Variants in GRAMD1B observed in about 807,000 individuals in gnomAD.
The protein encoded by GRAMD1B is GRAM domain containing 1B.
GRAMD1B carries 37 observed loss-of-function variants against 99.7 expected under a neutral mutation model. The observed-to-expected ratio is 0.37, with a 90% CI of 0.29 to 0.49. GRAMD1B has a LOEUF of 0.49. Ranked by LOEUF, GRAMD1B falls within the 20% of genes least tolerant of loss-of-function variation. The probability of loss-of-function intolerance (pLI) is 0.98; values close to 1 mark genes in which losing one functional copy is unlikely to be tolerated. For missense variants in GRAMD1B, 888 were observed against 1,009.2 expected (o/e 0.88, Z 1.63); for synonymous variants, 427 against 387.6 (o/e 1.10, Z -1.19).
intron 1 of GRAMD1B, chr11:123,459,930 T>C (rs1950332177): frequency 6.6e-6 from 1 of 152,228 alleles, no homozygotes; most frequent in African/African-American, 2.4e-5. Context: ...ATTTACTTTA[T>C]GGAGCATCAA....
At chr11:123,394,695 T>C (rs1389734480) in intron 1 of GRAMD1B, among the ~76,000 whole-genome samples, 3 of 152,230 alleles carry the variant, frequency 2.0e-5, no homozygotes, top group African/African-American at 7.2e-5. Flanking sequence ...CCTTAAATCA[T>C]TTTGTGCTGC....
intron 4 of GRAMD1B, 79 bp downstream of exon 4, chr11:123,584,411 G>GTGCGATTGGGGGAGGGGGAATGGAGGT (rs1949843905): frequency 6.5e-6 from 1 of 153,636 alleles, no homozygotes; most frequent in Non-Finnish European, 1.4e-5. Context: ...GGGGTGTGGG[G>GTGCGATTGGGGGAGGGGGAATGGAGGT]TGCGGTTGGG....
chr11:123,463,168 C>T (rs1373681324), intron 1 of GRAMD1B, among the ~76,000 whole-genome samples: 2 of 152,156 alleles, frequency 1.3e-5, no homozygotes, highest in Non-Finnish European at 2.9e-5. Flanking sequence ...GCCACCACCA[C>T]GCCTGACTAA....
chr11:123,582,955 T>C (rs1949543874), intron 3 of GRAMD1B, among the ~76,000 whole-genome samples: 1 of 152,174 alleles, frequency 6.6e-6, no homozygotes, highest in East Asian at 1.9e-4. Flanking sequence ...CTGAAAATAA[T>C]CTAAGCTCCA....
In GRAMD1B at chr11:123,613,594, G is replaced by A. The variant is rs2137012737; in HGVS notation, c.2163G>A (p.Glu721=). Residue 721 remains glutamate, a synonymous_variant, in exon 16 of 20, where the codon GAG becomes GAA. Coordinates refer to ENST00000635736, the MANE Select transcript of GRAMD1B (RefSeq NM_001387025.1). The part of the protein sequence containing the change: ...HAHLRVPHLE[E]VMSPVTTPTD... The stretch of plus-strand genomic sequence containing the variant: ...ACCTGCGAGTCCCTCACCTGGAAGA[G>A]GTGATGAGCCCGGTCACCACGCCCA... 1.2e-6 allele frequency: 2 copies of A among 1,613,944 alleles called. No homozygotes were observed. The highest frequency in any genetic ancestry group is 2.2e-5 in the East Asian group (1 of 44,866).
At chr11:123,517,774 A>T (rs189524510) in intron 2 of GRAMD1B, among the ~76,000 whole-genome samples, 145 of 152,358 alleles carry the variant, frequency 9.5e-4, no homozygotes, top group Non-Finnish European at 1.8e-3. Context: ...TTTCACTTTT[A>T]AAATGAGTTA....
chr11:123,622,704 A>G lies in GRAMD1B; in HGVS notation c.*109A>G. On this transcript the variant is annotated 3_prime_UTR_variant, in exon 20 of 20. Transcript: ENST00000635736. ...TATACAGAATATAAATATATATATT[A>G]TATACAGATTTTAAAAAAGAGATAA... The G allele has an allele frequency of 3.8e-6, 1 of 262,030 alleles. No homozygotes were observed. The highest frequency in any genetic ancestry group is 6.8e-6 in the Non-Finnish European group (1 of 147,864). The allele number at this position is 262,030 out of a possible 1,614,324, so 16.2% of individuals were successfully genotyped here.
chr11:123,561,532 C>A (rs935032509), intron 2 of GRAMD1B, among the ~76,000 whole-genome samples: 3 of 152,228 alleles, frequency 2.0e-5, no homozygotes, highest in African/African-American at 7.2e-5. Context: ...GGCCTTACTC[C>A]CCCACACCTC....
chr11:123,504,217 C>A (rs1940188310), intron 2 of GRAMD1B, among the ~76,000 whole-genome samples: 2 of 152,164 alleles, frequency 1.3e-5, no homozygotes, highest in African/African-American at 4.8e-5. Context: ...AGCACTGGTC[C>A]CCGCCAAGGC....
intron 17 of GRAMD1B, chr11:123,618,312 C>T: frequency 6.2e-7 from 1 of 1,605,992 alleles, no homozygotes; most frequent in African/African-American, 1.3e-5. Context: ...TAACCTCTGC[C>T]TCCTCCCCAT....
chr11:123,400,736 G>T (rs575812781), intron 1 of GRAMD1B, among the ~76,000 whole-genome samples: 1 of 152,192 alleles, frequency 6.6e-6, no homozygotes, highest in Non-Finnish European at 1.5e-5. Flanking sequence ...CCATCGTACT[G>T]GGGGTTAGGA....
At chr11:123,438,746 T>C (rs964339217) in intron 1 of GRAMD1B, among the ~76,000 whole-genome samples, 1 of 152,194 alleles carries the variant, frequency 6.6e-6, no homozygotes, top group Non-Finnish European at 1.5e-5. Flanking sequence ...ACAGGTGATC[T>C]TTCTGTCCTA....
chr11:123,389,107 G>A (rs140207266), intron 1 of GRAMD1B, among the ~76,000 whole-genome samples: 20 of 152,088 alleles, frequency 1.3e-4, no homozygotes, highest in African/African-American at 4.1e-4. Flanking sequence ...AATCCCGACC[G>A]GGCACGGTGG....
intron 2 of GRAMD1B, among the ~76,000 whole-genome samples, chr11:123,529,620 A>G (rs528610627): frequency 1.3e-5 from 2 of 152,344 alleles, no homozygotes; most frequent in South Asian, 4.1e-4. Context: ...CTGCGGCCCA[A>G]GACTCTGTGG....
chr11:123,501,711 G>C lies in GRAMD1B; in HGVS notation c.452+20818G>C, dbSNP rs552495598. On this transcript the variant is annotated intron_variant, in intron 2 of 19. Coordinates refer to ENST00000635736, the MANE Select transcript of GRAMD1B (RefSeq NM_001387025.1). ...AAAAACAATTGACCAAGAGAGAATA[G>C]AGACCCCAATGCTTCTGAATGATCT... Among the ~76,000 whole-genome samples the C allele has an allele frequency of 3.3e-5, 5 of 152,324 alleles. No homozygotes were observed. In the South Asian group the frequency reaches 1.0e-3, roughly 32 times the overall value.
chr11:123,580,314 G>A (rs1353406340), intron 3 of GRAMD1B, among the ~76,000 whole-genome samples: 2 of 152,230 alleles, frequency 1.3e-5, no homozygotes, highest in African/African-American at 2.4e-5. Flanking sequence ...GGAGGTTCTG[G>A]TAGCGGGATG....
intron 1 of GRAMD1B, among the ~76,000 whole-genome samples, chr11:123,470,496 T>C (rs1014179876): frequency 7.5e-6 from 1 of 134,226 alleles, no homozygotes; most frequent in African/African-American, 3.2e-5. Context: ...ACTCACATTT[T>C]TCTTTCTTTC....
intron 14 of GRAMD1B, among the ~76,000 whole-genome samples, chr11:123,611,111 A>T (rs1953479345): frequency 6.6e-6 from 1 of 152,208 alleles, no homozygotes; most frequent in Non-Finnish European, 1.5e-5. Flanking sequence ...GTTTAGTAAA[A>T]GGTCGCACAG....
chr11:123,597,533 G>A (rs1951432220), intron 7 of GRAMD1B, among the ~76,000 whole-genome samples: 1 of 151,996 alleles, frequency 6.6e-6, no homozygotes, highest in Non-Finnish European at 1.5e-5. Context: ...CTCATCCTGG[G>A]GTAATACTCA....
Sources: allele counts gnomAD v4.1 joint callset (sites outside exome capture counted in the v4.1 genomes callset), GRCh38; gene constraint gnomAD v4.1.1; transcripts MANE v1.5; gene names NCBI Gene and HGNC (gene_info 2026-07-23, HGNC 2026-07-21).